The following BACE1 variants were observed in gnomAD, a reference collection of about 807,000 sequenced individuals.
BACE1 encodes beta-secretase 1.
A neutral mutation model predicts 54.0 loss-of-function variants in BACE1; 21 were observed. The observed-to-expected ratio is 0.39, with a 90% CI of 0.28 to 0.56. BACE1 has a LOEUF of 0.56. BACE1 is among the 20% of genes least tolerant of loss of function. The probability of loss-of-function intolerance (pLI) is 0.63; values close to 1 mark genes in which losing one functional copy is unlikely to be tolerated. For synonymous variants in BACE1, 232 were observed against 260.9 expected (o/e 0.89, Z 1.07); for missense variants, 511 against 661.2 (o/e 0.77, Z 2.49).
chr11:117,311,756 T>C (rs2034947293), intron 1 of BACE1, among the ~76,000 whole-genome samples: 1 of 152,216 alleles, frequency 6.6e-6, no homozygotes, highest in Admixed American at 6.5e-5. Context: ...TTCTTCTGCC[T>C]CTGCCTCCCG....
intron 1 of BACE1, among the ~76,000 whole-genome samples, chr11:117,306,075 G>A (rs1204572045): frequency 6.6e-6 from 1 of 152,042 alleles, no homozygotes; most frequent in South Asian, 2.1e-4. Context: ...ATAAAGCAGC[G>A]GAATCCTTTT....
Position 117,315,479 on chromosome 11 carries a change from C to T in BACE1, c.261+56G>A. 1 of 1,546,064 alleles carries T rather than the reference C, an allele frequency of 6.5e-7. No homozygotes were observed. The highest frequency in any genetic ancestry group is 8.7e-7 in the Non-Finnish European group (1 of 1,153,298). On this transcript the variant is annotated intron_variant, in intron 1 of 8. Coordinates refer to ENST00000313005, the MANE Select transcript of BACE1 (RefSeq NM_012104.6). The surrounding 1 kb of genome is among the most constrained non-coding windows in gnomAD (Gnocchi z 5.5). ...GGGGCTAGCTTGAGGCATCCCCATC[C>T]TGTCTCCCCTCTGCTCATGCAGGCG...
intron 1 of BACE1, among the ~76,000 whole-genome samples, chr11:117,306,733 C>T (rs2034840087): frequency 6.6e-6 from 1 of 152,080 alleles, no homozygotes; most frequent in Non-Finnish European, 1.5e-5. Flanking sequence ...ATTGCTTGAA[C>T]CCAGGAGGTG....
chr11:117,293,883 G>A lies in BACE1; in HGVS notation c.693C>T (p.Val231=), dbSNP rs200662469. 19 of 1,613,086 alleles carry A rather than the reference G, an allele frequency of 1.2e-5. No individual in the cohort carries two copies. Among genetic ancestry groups the A allele is most frequent in the Admixed American group, 1.7e-5 (1 of 59,950 alleles). ...AGGACCTACTCACCATGCTCCCTCC[G>A]ACAGAGGCCAGCACTTCAGACTGGT... is the stretch of plus-strand genomic sequence containing the variant. ...PLNQSEVLAS[V]GGSMIIGGID... The change falls in exon 4 of 9, where the codon GTC becomes GTT. Residue 231 remains valine (V), a synonymous_variant. Transcript: ENST00000313005. This position sits in a 1 kb window ranked among gnomAD's most constrained non-coding sequence, Gnocchi z 4.1.
At chr11:117,309,480 C>T (rs763603567) in intron 1 of BACE1, among the ~76,000 whole-genome samples, 67 of 152,284 alleles carry the variant, frequency 4.4e-4, no homozygotes, top group Non-Finnish European at 6.3e-4. Flanking sequence ...TGGCTGGGCG[C>T]GGTGGCTCAC....
rs1253711100 is a variant in BACE1 at position 117,315,800 on chromosome 11, G to C, written c.-5C>G. On this transcript the variant is annotated 5_prime_UTR_variant, in exon 1 of 9. Coordinates refer to ENST00000313005, the MANE Select transcript of BACE1 (RefSeq NM_012104.6). The surrounding 1 kb of genome is among the most constrained non-coding windows in gnomAD (Gnocchi z 5.5). ...CCAGGGCAGGGCTTGGGCCATGGTG[G>C]GCCCCGGCCTTCGGGCCCTCTGGGC... The C allele has an allele frequency of 7.8e-6, 11 of 1,403,174 alleles. No homozygotes were observed. The highest frequency in any genetic ancestry group is 9.2e-6 in the Non-Finnish European group (10 of 1,087,468). 86.9% of individuals were successfully genotyped at this position (1,403,174 alleles called of 1,614,324 possible).
In BACE1 at chr11:117,295,325, G is replaced by A. The variant is rs200733909; in HGVS notation, c.373C>T (p.Arg125Trp). The A allele has an allele frequency of 2.9e-5, 46 of 1,613,758 alleles. No individual in the cohort carries two copies. Among genetic ancestry groups the A allele is most frequent in the Middle Eastern group, 1.6e-4 (1 of 6,084 alleles). Residue 125 changes from arginine (R) to tryptophan (W), a missense_variant, in exon 3 of 9, where the codon CGG becomes TGG. By Grantham distance (101) the Arg-to-Trp change is moderately radical (BLOSUM62 -3). Around this residue, in one of 2 missense-constraint regions of BACE1, gnomAD observed 407 missense variants for 565.7 expected, o/e 0.72. Transcript: ENST00000313005. ...RQLSSTYRDL[R>W]KGVYVPYTQG... ...GTGTAGGGCACATACACACCCTTCC[G>A]GAGGTCCCGGTATGTGCTGGACCTG... is the stretch of plus-strand genomic sequence containing the variant.
intron 1 of BACE1, 30 bp from the exon 2 acceptor site, chr11:117,296,991 T>C: frequency 6.4e-7 from 1 of 1,564,570 alleles, no homozygotes; most frequent in Non-Finnish European, 8.8e-7. Flanking sequence ...GAAAAGACAG[T>C]ATAGACAGGA....
At chr11:117,295,444 G>C in intron 2 of BACE1, 97 bp from the exon 3 acceptor site, 1 of 1,544,032 alleles carries the variant, frequency 6.5e-7, no homozygotes, top group South Asian at 1.2e-5. Flanking sequence ...TCTCATCTCA[G>C]GGGAATCCTA....
chr11:117,298,547 G>A (rs542022388), intron 1 of BACE1, among the ~76,000 whole-genome samples: 20 of 152,330 alleles, frequency 1.3e-4, no homozygotes, highest in Admixed American at 3.3e-4. Context: ...TATTCTAGGA[G>A]CTGTACTGGT....
At chr11:117,312,701 G>T (rs1000581657) in intron 1 of BACE1, among the ~76,000 whole-genome samples, 12 of 152,158 alleles carry the variant, frequency 7.9e-5, no homozygotes, top group African/African-American at 2.9e-4. Flanking sequence ...GACCTCAGGT[G>T]ATCCGCCGGC....
chr11:117,308,671 TG>T (rs1395200602), intron 1 of BACE1, among the ~76,000 whole-genome samples: 1 of 152,064 alleles, frequency 6.6e-6, no homozygotes, highest in Non-Finnish European at 1.5e-5. Context: ...ACTTCCTGGC[TG>T]GGTGCGGTGG....
chr11:117,290,016 G>C (rs949753303), intron 8 of BACE1, among the ~76,000 whole-genome samples: 11 of 152,156 alleles, frequency 7.2e-5, no homozygotes, highest in Non-Finnish European at 1.5e-4. Context: ...GCCCTTCCTT[G>C]TATACCCAGC....
At chr11:117,311,999 C>G (rs2034952680) in intron 1 of BACE1, among the ~76,000 whole-genome samples, 1 of 152,212 alleles carries the variant, frequency 6.6e-6, no homozygotes, top group African/African-American at 2.4e-5. Context: ...ATGTCATTCC[C>G]CTGCCCCAAT....
rs1163992583 is a variant in BACE1 at position 117,304,055 on chromosome 11, AC to A, written c.262-7095del. Among the ~76,000 whole-genome samples, 5 of 152,214 alleles carry A rather than the reference AC, an allele frequency of 3.3e-5. No homozygotes were observed. In the East Asian group the frequency reaches 9.7e-4, roughly 29 times the overall value. On this transcript the variant is annotated intron_variant, in intron 1 of 8. Transcript: ENST00000313005. ...TGATAGATTGTTATACTAATGAACC[AC>A]CCTGCCCCCCATACATGCCCTTGTG...
intron 1 of BACE1, among the ~76,000 whole-genome samples, chr11:117,308,672 G>T (rs1043771414): frequency 6.6e-5 from 10 of 152,042 alleles, no homozygotes; most frequent in Admixed American, 3.9e-4. Flanking sequence ...CTTCCTGGCT[G>T]GGTGCGGTGG....
rs1358377300 is a variant in BACE1 at position 117,316,224 on chromosome 11, T to G, written c.-429A>C. 1 of 435,094 alleles carries G rather than the reference T, an allele frequency of 2.3e-6. No individual in the cohort carries two copies. The highest frequency in any genetic ancestry group is 4.1e-6 in the Non-Finnish European group (1 of 244,086). The allele number at this position is 435,094 out of a possible 1,614,324, so 27.0% of individuals were successfully genotyped here. ...CATAATCCAGCTCGCGGCTCGCAGC[T>G]CCCGGGCGGGCTGGGGAGGCGGAAA... is the stretch of plus-strand genomic sequence containing the variant. On this transcript the variant is annotated 5_prime_UTR_variant, in exon 1 of 9. Transcript: ENST00000313005.
At chr11:117,292,383 T>C (rs1037633690) in intron 5 of BACE1, 3 of 152,266 alleles carry the variant, frequency 2.0e-5, no homozygotes, top group Non-Finnish European at 4.4e-5. Context: ...GGTTTCACCA[T>C]GTTGACCAGG....
At chr11:117,304,244 C>T (rs889244120) in intron 1 of BACE1, among the ~76,000 whole-genome samples, 2 of 152,344 alleles carry the variant, frequency 1.3e-5, no homozygotes, top group Middle Eastern at 3.4e-3. Flanking sequence ...TCAGTCTTGC[C>T]TCCTTCCAAA....
Sources: gnomAD v4.1 joint callset for allele counts (sites outside exome capture counted in the v4.1 genomes callset) on GRCh38, gnomAD v4.1.1 for gene constraint, gnomAD v4.1.1 regional missense constraint, Gnocchi (gnomAD v3.1) non-coding constraint, MANE v1.5 for transcripts, NCBI Gene and HGNC (gene_info 2026-07-23, HGNC 2026-07-21) for gene names.